NUP188: variants seen among roughly 807,000 people sequenced by gnomAD.
The protein encoded by NUP188 is nucleoporin 188.
In NUP188, 97 loss-of-function variants were observed where a neutral mutation model predicts 223.0. The observed-to-expected ratio is 0.43, with a 90% CI of 0.37 to 0.51. NUP188 has a LOEUF of 0.51. Ranked by LOEUF, NUP188 falls within the 20% of genes least tolerant of loss-of-function variation. The probability of loss-of-function intolerance (pLI) is 0.00; values close to 1 mark genes in which losing one functional copy is unlikely to be tolerated. For missense variants in NUP188, 1,947 were observed against 2,175.6 expected, an observed-to-expected ratio of 0.89 and a Z score of 2.09; for synonymous variants, 869 against 828.0, an observed-to-expected ratio of 1.05 and a Z score of -0.85.
chr9:128,948,128 C>A (rs944749530), intron 1 of NUP188: 4 of 191,340 alleles, frequency 2.1e-5, no homozygotes, highest in South Asian at 1.9e-4. Flanking sequence ...GGGTACCCCC[C>A]ACCCACGTCC....
chr9:128,967,281 G>A (rs1267552923), intron 8 of NUP188, among the ~76,000 whole-genome samples: 1 of 152,142 alleles, frequency 6.6e-6, no homozygotes, highest in Non-Finnish European at 1.5e-5. Context: ...AAGTATTCAA[G>A]TATTAGGCTT....
At position 128,983,386 on chromosome 9, in the gene NUP188, A is replaced by C. The variant is rs748296035; in HGVS notation, c.1884+6A>C. 1 of 1,614,130 alleles carries C rather than the reference A, an allele frequency of 6.2e-7. No individual in the cohort carries two copies. Among genetic ancestry groups the C allele is most frequent in the South Asian group, 1.1e-5 (1 of 91,080 alleles). ...CTGCCCGCAATCCAGCAAAGGTGAG[A>C]TGCCAGATCTTCCCAAGAGCCAAAA... On this transcript the variant is annotated splice_donor_region_variant and intron_variant, in intron 18 of 43. Transcript: ENST00000372577.
At chr9:128,990,635 C>T (rs1007600203) in intron 25 of NUP188, among the ~76,000 whole-genome samples, 6 of 152,196 alleles carry the variant, frequency 3.9e-5, no homozygotes, top group South Asian at 2.1e-4. Context: ...GAGGCCGAGG[C>T]GGGTGTATCA....
At chr9:128,997,183 G>T (rs1287651024) in intron 30 of NUP188, among the ~76,000 whole-genome samples, 1 of 152,200 alleles carries the variant, frequency 6.6e-6, no homozygotes, top group Non-Finnish European at 1.5e-5. Flanking sequence ...GAGGAGAGAA[G>T]TCTAGGCAGA....
chr9:128,990,708 AC>A (rs1453935645), intron 25 of NUP188, among the ~76,000 whole-genome samples: 1 of 152,260 alleles, frequency 6.6e-6, no homozygotes, highest in Admixed American at 6.5e-5. Context: ...ACTGAAAAAT[AC>A]AAAAAATTAG....
Position 128,997,455 on chromosome 9 carries a change from G to A in NUP188, c.3352-696G>A, listed in dbSNP as rs757097138. Reference sequence around the variant, plus strand: ...GGGCTTGATTCTGACCATATCTAAGGGTTGACAGAAGAACAGCAGGGCCTT... The same window carrying A: ...GGGCTTGATTCTGACCATATCTAAGAGTTGACAGAAGAACAGCAGGGCCTT... On this transcript the variant is annotated intron_variant, in intron 30 of 43. Transcript: ENST00000372577. 1.2e-4 allele frequency among the ~76,000 whole-genome samples: 18 copies of A among 152,242 alleles called. No homozygotes were observed. In the South Asian group the frequency reaches 1.5e-3, roughly 12 times the overall value.
At chr9:128,979,454 A>C in intron 13 of NUP188, 127 bp downstream of exon 13, 1 of 592,510 alleles carries the variant, frequency 1.7e-6, no homozygotes, top group Admixed American at 2.8e-5. Context: ...TATGAAGTAG[A>C]TACTATTACT....
chr9:129,006,996 C>G lies in NUP188; in HGVS notation c.*318C>G, dbSNP rs955677325. On this transcript the variant is annotated 3_prime_UTR_variant, in exon 44 of 44. Transcript: ENST00000372577. ...GGAGAGGCGGCAGCCCAGCAGAGGGCTCTATGCACGGGTTTCAAACCTGTT... is the reference window on the plus strand; with the variant it reads ...GGAGAGGCGGCAGCCCAGCAGAGGGGTCTATGCACGGGTTTCAAACCTGTT... The G allele has an allele frequency of 1.0e-5, 3 of 287,738 alleles. No homozygotes were observed. The highest frequency in any genetic ancestry group is 2.2e-5 in the African/African-American group (1 of 45,826). 17.8% of individuals were successfully genotyped at this position (287,738 alleles called of 1,614,324 possible).
chr9:128,956,204 T>TGC, intron 3 of NUP188, 146 bp from the exon 4 acceptor site: 1 of 462,046 alleles, frequency 2.2e-6, no homozygotes, highest in Non-Finnish European at 3.8e-6. Flanking sequence ...TGTGTGTGTG[T>TGC]GTGTGTGCGT....
chr9:128,979,114 G>T, intron 12 of NUP188, 148 bp from the exon 13 acceptor site: 1 of 525,206 alleles, frequency 1.9e-6, no homozygotes, highest in Non-Finnish European at 3.5e-6. Flanking sequence ...ATGTTCCCCA[G>T]GCTGCTCTGG....
intron 41 of NUP188, 120 bp from the exon 42 acceptor site, chr9:129,005,930 T>A: frequency 6.4e-6 from 9 of 1,416,858 alleles, no homozygotes; most frequent in Non-Finnish European, 8.8e-6. Flanking sequence ...TGAGAATTAC[T>A]GTGAGGATTA....
rs1564561859 is a variant in NUP188 at position 128,988,176 on chromosome 9, C to T, written c.2523C>T (p.Leu841=). 1.2e-6 allele frequency: 2 copies of T among 1,614,044 alleles called. No individual in the cohort carries two copies. The highest frequency in any genetic ancestry group is 1.7e-6 in the Non-Finnish European group (2 of 1,179,986). ...SNVVSPLEQA[L]SQHGAHGNNL... Reference sequence around the variant, plus strand: ...TGGTGTCCCCCCTGGAACAGGCTCTCTCACAACATGGTATGTATTTCTCTT... The same window carrying T: ...TGGTGTCCCCCCTGGAACAGGCTCTTTCACAACATGGTATGTATTTCTCTT... Residue 841 remains leucine (L), a synonymous_variant, in exon 24 of 44, where the codon CTC becomes CTT. Transcript: ENST00000372577.
intron 3 of NUP188, 140 bp from the exon 4 acceptor site, chr9:128,956,210 T>TGTGCGC (rs1554827624): frequency 4.5e-6 from 2 of 440,606 alleles, no homozygotes; most frequent in Non-Finnish European, 8.1e-6. Flanking sequence ...TGTGTGTGTG[T>TGTGCGC]GCGTGTGTGT....
intron 2 of NUP188, 135 bp from the exon 3 acceptor site, chr9:128,952,638 A>T: frequency 5.1e-6 from 3 of 585,454 alleles, no homozygotes. Context: ...CTCGAGAATC[A>T]CTTGAACCTG....
intron 6 of NUP188, 54 bp downstream of exon 6, chr9:128,958,108 T>C: frequency 7.0e-7 from 1 of 1,428,904 alleles, no homozygotes; most frequent in Non-Finnish European, 9.8e-7. Context: ...TGACAGCTTC[T>C]TGACCTCATT....
rs867306697 is a variant in NUP188 at position 129,003,998 on chromosome 9, C to T, written c.4434+544C>T. The T allele has an allele frequency of 6.2e-5, 13 of 209,362 alleles. No homozygotes were observed. The Admixed American group carries it at 6.4e-4, about 10-fold the overall frequency. The allele number at this position is 209,362 out of a possible 1,614,324, so 13.0% of individuals were successfully genotyped here. A position where few individuals can be genotyped will look rare whatever the true frequency, so the allele number is the denominator to read the frequency against. On this transcript the variant is annotated intron_variant, in intron 38 of 43. Coordinates refer to ENST00000372577, the MANE Select transcript of NUP188 (RefSeq NM_015354.3). ...AAAAAGAAAAAAAAAAAAAAATGGC[C>T]GGGTGCAATAGGCTCACGCCTGTAA...
chr9:128,959,809 G>T (rs1841921925), intron 8 of NUP188, among the ~76,000 whole-genome samples: 1 of 152,018 alleles, frequency 6.6e-6, no homozygotes, highest in African/African-American at 2.4e-5. Flanking sequence ...AAGTGTTGGG[G>T]TTATGGGCAT....
chr9:129,006,455 A>G, intron 43 of NUP188, 47 bp from the exon 44 acceptor site: 2 of 1,612,170 alleles, frequency 1.2e-6, no homozygotes, highest in African/African-American at 1.3e-5. Context: ...GGGTCAGAAC[A>G]GTAGCCAGAT....
chr9:128,993,556 A>G lies in NUP188; in HGVS notation c.2879A>G (p.His960Arg), dbSNP rs772336189. 2.5e-6 allele frequency: 4 copies of G among 1,614,174 alleles called. No homozygotes were observed. The highest frequency in any genetic ancestry group is 1.7e-5 in the Admixed American group (1 of 60,016). ...AGCCTTGGGATGTGGAGCTGTCTCC[A>G]TGCAGTGCTGGAGCTGATTGATTCC... ...EFSLGMWSCL[H>R]AVLELIDSQQ... The change falls in exon 27 of 44, where the codon CAT becomes CGT. Residue 960 changes from histidine (H) to arginine (R), a missense_variant. Transcript: ENST00000372577.
Sources: allele counts gnomAD v4.1 joint callset (sites outside exome capture counted in the v4.1 genomes callset), GRCh38; gene constraint gnomAD v4.1.1; transcripts MANE v1.5; gene names NCBI Gene and HGNC (gene_info 2026-07-23, HGNC 2026-07-21).